Variants in C6orf89 observed in about 807,000 individuals in gnomAD.
The protein encoded by C6orf89 is chromosome 6 open reading frame 89.
In C6orf89, 29 loss-of-function variants were observed where a neutral mutation model predicts 40.7. The ratio of observed to expected loss-of-function variants is 0.71; its 90% CI spans 0.53 to 0.97. C6orf89 has a LOEUF of 0.97. C6orf89 is among the 50% of genes least tolerant of loss of function. The pLI is 0.00. For missense variants in C6orf89, 392 were observed against 429.1 expected (o/e 0.91, Z 0.76); for synonymous variants, 165 against 152.2 (o/e 1.08, Z -0.62).
intron 4 of C6orf89, among the ~76,000 whole-genome samples, chr6:36,902,986 C>T (rs964247926): frequency 6.6e-6 from 1 of 152,164 alleles, no homozygotes; most frequent in Admixed American, 6.5e-5. Flanking sequence ...TTAAAAAACA[C>T]ATAAATTTAG....
At chr6:36,919,793 G>C in intron 8 of C6orf89, 92 bp downstream of exon 8, 1 of 1,310,366 alleles carries the variant, frequency 7.6e-7, no homozygotes, top group Non-Finnish European at 1.0e-6. Context: ...CTTCACAAAA[G>C]TTTTATTTAG....
intron 1 of C6orf89, among the ~76,000 whole-genome samples, chr6:36,890,226 G>A (rs1761145099): frequency 6.6e-6 from 1 of 152,128 alleles, no homozygotes; most frequent in Non-Finnish European, 1.5e-5. Context: ...TGGGCACTGT[G>A]CTGTATAGTA....
At chr6:36,885,538 GGGA>G (rs1467287395), upstream of C6orf89, among the ~76,000 whole-genome samples, 9 of 152,154 alleles carry the variant, frequency 5.9e-5, no homozygotes, top group Non-Finnish European at 1.3e-4. Context: ...GAAAACTGGA[GGGA>G]TTTGTTCGTC....
chr6:36,911,309 G>A (rs962816646), intron 4 of C6orf89, among the ~76,000 whole-genome samples: 7 of 152,228 alleles, frequency 4.6e-5, no homozygotes, highest in Non-Finnish European at 8.8e-5. Context: ...GGCCAACATG[G>A]TGAAACCCTG....
intron 4 of C6orf89, among the ~76,000 whole-genome samples, chr6:36,904,952 T>C (rs1761871255): frequency 6.6e-6 from 1 of 152,020 alleles, no homozygotes; most frequent in Admixed American, 6.5e-5. Context: ...GTGACAGAGG[T>C]GGGGTTCTTT....
intron 4 of C6orf89, among the ~76,000 whole-genome samples, chr6:36,912,706 G>A (rs1162908406): frequency 6.6e-6 from 1 of 152,144 alleles, no homozygotes; most frequent in Non-Finnish European, 1.5e-5. Context: ...GTTGAGACTG[G>A]CTGAGAAAGG....
At chr6:36,893,065 G>A (rs908278653) in intron 1 of C6orf89, among the ~76,000 whole-genome samples, 8 of 152,016 alleles carry the variant, frequency 5.3e-5, no homozygotes, top group African/African-American at 1.7e-4. Flanking sequence ...CTCCCAAGTA[G>A]CTGGGATTAC....
At chr6:36,874,857 C>T (rs576061100) in intron 1 of C6orf89, 21 of 1,473,128 alleles carry the variant, frequency 1.4e-5, no homozygotes, top group East Asian at 2.4e-5. Flanking sequence ...TGCACACTTC[C>T]GGTCCGTTCA....
chr6:36,876,859 T>C (rs1774672106), intron 1 of C6orf89, among the ~76,000 whole-genome samples: 1 of 151,330 alleles, frequency 6.6e-6, no homozygotes, highest in South Asian at 2.1e-4. Context: ...ATCCAGAAAA[T>C]AAATTGGAGT....
At chr6:36,894,091 AGCC>A (rs1480721246) in intron 1 of C6orf89, among the ~76,000 whole-genome samples, 1 of 151,684 alleles carries the variant, frequency 6.6e-6, no homozygotes, top group Non-Finnish European at 1.5e-5. Context: ...GTTGCAAAAC[AGCC>A]ATCAAAAATA....
At chr6:36,891,008 ATTATAC>A (rs1238189798) in intron 1 of C6orf89, among the ~76,000 whole-genome samples, 1 of 151,630 alleles carries the variant, frequency 6.6e-6, no homozygotes, top group Admixed American at 6.6e-5. Context: ...TTTTATTATT[ATTATAC>A]TTTAAGTTTT....
chr6:36,916,521 G>T lies in C6orf89; in HGVS notation c.772G>T (p.Ala258Ser). 1 of 1,614,196 alleles carries T rather than the reference G, an allele frequency of 6.2e-7. No individual in the cohort carries two copies. The highest frequency in any genetic ancestry group is 8.5e-7 in the Non-Finnish European group (1 of 1,180,040). ...CACTCACCTGCCATTTCCAAAAGAT[G>T]CCTCTTTAAACAAGTGCTCCTTTCT... The part of the protein sequence containing the change: ...VFTHLPFPKD[A>S]SLNKCSFLHP... The change falls in exon 7 of 9, where the codon GCC (alanine) becomes TCC (serine). Residue 258 changes from alanine to serine, a missense_variant. Transcript: ENST00000480824.
At chr6:36,913,005 C>T (rs1186899975) in intron 4 of C6orf89, among the ~76,000 whole-genome samples, 1 of 152,188 alleles carries the variant, frequency 6.6e-6, no homozygotes, top group Non-Finnish European at 1.5e-5. Flanking sequence ...GATTTGGTTT[C>T]CATTGGGTTT....
At chr6:36,899,749 A>AT (rs1761592988) in intron 3 of C6orf89, 116 bp downstream of exon 3, 5 of 1,048,334 alleles carry the variant, frequency 4.8e-6, no homozygotes, top group Admixed American at 4.5e-5. Flanking sequence ...CCGTGAATAA[A>AT]TTGGCCTTTG....
At position 36,907,404 on chromosome 6, in the gene C6orf89, G is replaced by A. The variant is rs764565071; in HGVS notation, c.403+4970G>A. Among the ~76,000 whole-genome samples the A allele has an allele frequency of 3.9e-5, 6 of 152,166 alleles. No homozygotes were observed. The South Asian group carries it at 6.2e-4, about 16-fold the overall frequency. On this transcript the variant is annotated intron_variant, in intron 4 of 8. Coordinates refer to ENST00000480824, the MANE Select transcript of C6orf89 (RefSeq NM_001286635.2). ...GTCTACAGAGAACCAGCCTAAGTGAGTTTTCTTGTAAATAACTCTCAGGCA... is the reference window on the plus strand; with the variant it reads ...GTCTACAGAGAACCAGCCTAAGTGAATTTTCTTGTAAATAACTCTCAGGCA...
At chr6:36,911,345 C>A (rs1269864399) in intron 4 of C6orf89, among the ~76,000 whole-genome samples, 3 of 151,990 alleles carry the variant, frequency 2.0e-5, no homozygotes, top group Non-Finnish European at 2.9e-5. Context: ...CAAAAATGAG[C>A]CAGGCTTCGT....
chr6:36,883,541 T>C (rs1774881071), upstream of C6orf89, among the ~76,000 whole-genome samples: 1 of 152,234 alleles, frequency 6.6e-6, no homozygotes, highest in Non-Finnish European at 1.5e-5. Flanking sequence ...AGGGTATACT[T>C]TTATTTGTGA....
chr6:36,890,058 T>C (rs950889896), intron 1 of C6orf89, among the ~76,000 whole-genome samples: 1 of 152,240 alleles, frequency 6.6e-6, no homozygotes, highest in African/African-American at 2.4e-5. Context: ...AGTATGCCCT[T>C]GTGAAACCAT....
In C6orf89 at chr6:36,923,020, C is replaced by T. The variant is rs1762563250; in HGVS notation, c.950-327C>T. ...TAGGAATACTTATGCTAGGAAGTGCCAGAAGACTTTCAGAGCAATTTGTCT... is the reference window on the plus strand; with the variant it reads ...TAGGAATACTTATGCTAGGAAGTGCTAGAAGACTTTCAGAGCAATTTGTCT... On this transcript the variant is annotated intron_variant, in intron 8 of 8. Coordinates refer to ENST00000480824, the MANE Select transcript of C6orf89 (RefSeq NM_001286635.2). Among the ~76,000 whole-genome samples, 7 of 152,094 alleles carry T rather than the reference C, an allele frequency of 4.6e-5. 1 individual carries two copies. Among genetic ancestry groups the T allele is most frequent in the Admixed American group, 4.6e-4 (7 of 15,262 alleles).
Sources: gnomAD v4.1 joint callset for allele counts (sites outside exome capture counted in the v4.1 genomes callset) on GRCh38, gnomAD v4.1.1 for gene constraint, MANE v1.5 for transcripts, NCBI Gene and HGNC (gene_info 2026-07-23, HGNC 2026-07-21) for gene names.